The following AGMO variants were observed in gnomAD, a reference collection of about 807,000 sequenced individuals.
AGMO encodes the protein glyceryl-ether monooxygenase.
In AGMO, 75 loss-of-function variants were observed where a neutral mutation model predicts 60.2. The ratio of observed to expected loss-of-function variants is 1.25; its 90% confidence interval spans 1.03 to 1.51. AGMO has a LOEUF of 1.51. Among genes scored for constraint, AGMO ranks in the 40% most tolerant of loss-of-function variants. AGMO has a pLI of 0.00. For synonymous variants in AGMO, 261 were observed against 177.1 expected (o/e 1.47, Z -3.76); for missense variants, 763 against 525.5 (o/e 1.45, Z -4.42).
In AGMO at chr7:15,284,257, C is replaced by A. The variant is rs561096871; in HGVS notation, c.1263+81257G>T. Reference sequence around the variant, plus strand: ...AAAGCAGAACAAAATAAAATTGATACAGAAAAACAATACAAAACATCAATG... The same window carrying A: ...AAAGCAGAACAAAATAAAATTGATAAAGAAAAACAATACAAAACATCAATG... On this transcript the variant is annotated intron_variant, in intron 12 of 12. Transcript: ENST00000342526. 2.0e-5 allele frequency among the ~76,000 whole-genome samples: 3 copies of A among 151,838 alleles called. No homozygotes were observed. In the South Asian group the frequency reaches 6.3e-4, roughly 32 times the overall value.
intron 12 of AGMO, among the ~76,000 whole-genome samples, chr7:15,322,167 T>G (rs1781125899): frequency 6.6e-6 from 1 of 151,116 alleles, no homozygotes; most frequent in Admixed American, 6.6e-5. Flanking sequence ...CTAAATAAAA[T>G]ATTGAAAAAG....
Position 15,561,191 on chromosome 7 carries a change from A to G in AGMO, c.126+529T>C, listed in dbSNP as rs58184001. ...TTTCCACTTCCAATCATAGCCAGGA[A>G]CCAGAAGTGAAATGTGCCTCTGAGC... On this transcript the variant is annotated intron_variant, in intron 1 of 12. Coordinates refer to ENST00000342526, the MANE Select transcript of AGMO (RefSeq NM_001004320.2). Among the ~76,000 whole-genome samples, 1,957 of 152,260 alleles carry G rather than the reference A, an allele frequency of 0.013. 74 individuals are homozygous for G. In the East Asian group the frequency reaches 0.15, roughly 12 times the overall value.
chr7:15,408,504 G>A (rs1359320657), intron 5 of AGMO, among the ~76,000 whole-genome samples: 1 of 151,818 alleles, frequency 6.6e-6, no homozygotes, highest in Non-Finnish European at 1.5e-5. Context: ...GAACTATTTA[G>A]GAGGACAACT....
chr7:15,485,334 G>T (rs1188209873), intron 3 of AGMO, among the ~76,000 whole-genome samples: 1 of 151,442 alleles, frequency 6.6e-6, no homozygotes, highest in Non-Finnish European at 1.5e-5. Context: ...AAGAAAAAAA[G>T]AAAAATGAAA....
intron 5 of AGMO, chr7:15,396,588 G>A (rs1317361637): frequency 6.6e-6 from 1 of 152,204 alleles, no homozygotes; most frequent in African/African-American, 2.4e-5. Context: ...TCCTTGCTTG[G>A]ATCGCCAGCT....
chr7:15,127,803 T>C, the AGMO span, among the ~76,000 whole-genome samples: 1 of 152,158 alleles, frequency 6.6e-6, no homozygotes, highest in Admixed American at 6.6e-5. Flanking sequence ...TATTCTGTGG[T>C]TGTAAATTTA....
the AGMO span, among the ~76,000 whole-genome samples, chr7:15,169,132 C>T: frequency 8.8e-4 from 134 of 152,290 alleles, no homozygotes; most frequent in African/African-American, 2.9e-3. Context: ...TGACCTTCTT[C>T]ACTAAGGGAG....
In AGMO at chr7:15,320,489, G is replaced by A. The variant is rs115469672; in HGVS notation, c.1263+45025C>T. Among the ~76,000 whole-genome samples the A allele has an allele frequency of 7.2e-3, 1,088 of 152,032 alleles. 10 individuals are homozygous for A. Among genetic ancestry groups the A allele is most frequent in the African/African-American group, 0.024 (1,009 of 41,492 alleles). On this transcript the variant is annotated intron_variant, in intron 12 of 12. Coordinates refer to ENST00000342526, the MANE Select transcript of AGMO (RefSeq NM_001004320.2). ...TGATTATGATTAACTTTACAAAAAA[G>A]TTAAAAAAGAACTTTTGATATCTCA...
chr7:15,250,708 G>A (rs1212014905), intron 12 of AGMO, among the ~76,000 whole-genome samples: 1 of 152,090 alleles, frequency 6.6e-6, no homozygotes, highest in East Asian at 1.9e-4. Flanking sequence ...GGGAAGCTGA[G>A]GCAGGTGGAT....
intron 12 of AGMO, among the ~76,000 whole-genome samples, chr7:15,212,690 CAGGT>C (rs756161709): frequency 1.3e-5 from 2 of 151,914 alleles, no homozygotes; most frequent in South Asian, 2.1e-4. Flanking sequence ...CTTCATCTAG[CAGGT>C]AGAGTATTCC....
intron 12 of AGMO, among the ~76,000 whole-genome samples, chr7:15,333,602 T>A (rs570875663): frequency 1.8e-4 from 23 of 128,320 alleles, no homozygotes; most frequent in South Asian, 5.0e-4. Flanking sequence ...CTACTGAATT[T>A]AAAAAAAAAA....
the AGMO span, among the ~76,000 whole-genome samples, chr7:15,150,326 C>T: frequency 6.6e-6 from 1 of 151,950 alleles, no homozygotes; most frequent in African/African-American, 2.4e-5. Flanking sequence ...GCTAGGACTT[C>T]CAGTAGTATG....
At position 15,428,749 on chromosome 7, in the gene AGMO, G is replaced by A. The variant is rs114393134; in HGVS notation, c.513+2256C>T. On this transcript the variant is annotated intron_variant, in intron 4 of 12. Coordinates refer to ENST00000342526, the MANE Select transcript of AGMO (RefSeq NM_001004320.2). ...ATTTTTCCCTTTGATAATTCCTCAGGTAATTAATTAACTGCATTGATTTCC... is the reference window on the plus strand; with the variant it reads ...ATTTTTCCCTTTGATAATTCCTCAGATAATTAATTAACTGCATTGATTTCC... Among the ~76,000 whole-genome samples the A allele has an allele frequency of 4.4e-3, 674 of 152,096 alleles. 5 individuals carry two copies. Among genetic ancestry groups the A allele is most frequent in the African/African-American group, 0.016 (645 of 41,524 alleles).
chr7:15,190,093 A>T, the AGMO span, among the ~76,000 whole-genome samples: 5 of 502 alleles, frequency 1.0e-2, no homozygotes, highest in Non-Finnish European at 0.02. Context: ...ATATATATAT[A>T]TTTATATATA....
intron 12 of AGMO, among the ~76,000 whole-genome samples, chr7:15,217,397 C>CTT (rs77156709): frequency 0.2 from 30,148 of 151,634 alleles, 3,174 homozygotes; most frequent in South Asian, 0.33. Flanking sequence ...TGCACACACA[C>CTT]AAGAAAAACA....
At chr7:15,393,598 A>C (rs1490151011) in intron 6 of AGMO, among the ~76,000 whole-genome samples, 1 of 152,192 alleles carries the variant, frequency 6.6e-6, no homozygotes, top group Admixed American at 6.5e-5. Context: ...TGGTGTCTTT[A>C]AACGTTAGGC....
At chr7:15,184,977 G>A in the AGMO span, among the ~76,000 whole-genome samples, 4 of 152,088 alleles carry the variant, frequency 2.6e-5, no homozygotes, top group Admixed American at 6.6e-5. Flanking sequence ...TAAGGGAGTC[G>A]TGAAAGCTAC....
intron 5 of AGMO, among the ~76,000 whole-genome samples, chr7:15,413,942 T>C (rs1780684646): frequency 6.6e-6 from 1 of 152,210 alleles, no homozygotes; most frequent in Admixed American, 6.5e-5. Flanking sequence ...CTTGATTCCT[T>C]TAAATATAAC....
chr7:15,432,355 T>TATATATAC (rs1554271571), intron 3 of AGMO, among the ~76,000 whole-genome samples: 1 of 104,442 alleles, frequency 9.6e-6, no homozygotes, highest in Non-Finnish European at 2.2e-5. Context: ...TACATACATA[T>TATATATAC]ATATATACAC....
Sources: gnomAD v4.1 joint callset for allele counts (sites outside exome capture counted in the v4.1 genomes callset) on GRCh38, gnomAD v4.1.1 for gene constraint, MANE v1.5 for transcripts, NCBI Gene and HGNC (gene_info 2026-07-23, HGNC 2026-07-21) for gene names.